Variants in CEACAM5 observed in about 807,000 individuals in gnomAD.
CEACAM5 encodes cell adhesion molecule CEACAM5.
CEACAM5 carries 52 observed loss-of-function variants against 63.0 expected under a neutral mutation model. The ratio of observed to expected loss-of-function variants is 0.83; its 90% confidence interval spans 0.66 to 1.04. The LOEUF (loss-of-function observed/expected upper bound fraction) is 1.04, where lower values mean the gene tolerates loss of function less well. CEACAM5 is among the 50% of genes least tolerant of loss of function. The pLI is 0.00. For missense variants in CEACAM5, 790 were observed against 864.8 expected (o/e 0.91, Z 1.08); for synonymous variants, 357 against 351.3 (o/e 1.02, Z -0.18).
intron 2 of CEACAM5, among the ~76,000 whole-genome samples, chr19:41,714,163 C>T (rs2072481672): frequency 6.6e-6 from 1 of 152,074 alleles, no homozygotes; most frequent in Non-Finnish European, 1.5e-5. Flanking sequence ...TGCCATGAGC[C>T]GAGATCGTGC....
intron 2 of CEACAM5, among the ~76,000 whole-genome samples, chr19:41,713,838 T>C (rs1171671884): frequency 1.3e-5 from 2 of 152,238 alleles, no homozygotes; most frequent in Non-Finnish European, 2.9e-5. Flanking sequence ...CAGTCAGTTC[T>C]GCATTTGCAA....
chr19:41,713,334 A>C (rs1377726232), intron 2 of CEACAM5, among the ~76,000 whole-genome samples: 4 of 152,184 alleles, frequency 2.6e-5, no homozygotes, highest in Admixed American at 6.5e-5. Context: ...AAAGAAAAGA[A>C]AAAAGAAAGG....
chr19:41,721,584 C>T (rs1302409465), intron 8 of CEACAM5, among the ~76,000 whole-genome samples: 1 of 152,272 alleles, frequency 6.6e-6, no homozygotes, highest in East Asian at 1.9e-4. Flanking sequence ...AACCAGCCCA[C>T]ACTTTTTCCC....
At chr19:41,726,198 A>G (rs1555817081) in intron 8 of CEACAM5, among the ~76,000 whole-genome samples, 1 of 152,248 alleles carries the variant, frequency 6.6e-6, no homozygotes, top group African/African-American at 2.4e-5. Flanking sequence ...GCTTGAAGTT[A>G]GGCAGTTCTA....
chr19:41,711,338 C>A (rs576594794), intron 2 of CEACAM5, among the ~76,000 whole-genome samples: 1 of 152,296 alleles, frequency 6.6e-6, no homozygotes, highest in Non-Finnish European at 1.5e-5. Flanking sequence ...AAGGAAAGGA[C>A]TTCGCTTTCT....
chr19:41,714,032 T>C (rs1555814456), intron 2 of CEACAM5, among the ~76,000 whole-genome samples: 1 of 151,990 alleles, frequency 6.6e-6, no homozygotes, highest in Admixed American at 6.6e-5. Context: ...CTGACCAATA[T>C]GGTGAAACCC....
At chr19:41,721,262 TC>T in intron 8 of CEACAM5, 86 bp downstream of exon 8, 1 of 1,481,046 alleles carries the variant, frequency 6.8e-7, no homozygotes, top group Non-Finnish European at 9.3e-7. Context: ...ACATTTTCTT[TC>T]CCAGTCTGTG....
rs782412306 is a variant in CEACAM5, at chr19:41,727,287, G to A, written c.2080G>A (p.Gly694Arg). Residue 694 changes from glycine (G) to arginine (R), a missense_variant, in exon 9 of 10, where the codon GGA (glycine) becomes AGA (arginine). Physicochemically the swap from Gly to Arg is moderately radical, Grantham distance 125. Transcript: ENST00000221992. Reference sequence around the variant, plus strand: ...TGGGGCCACTGTCGGCATCATGATTGGAGTGCTGGTTGGGGTTGCTCTGAT... The same window carrying A: ...TGGGGCCACTGTCGGCATCATGATTAGAGTGCTGGTTGGGGTTGCTCTGAT... ...SAGATVGIMIGVLVGVALI is the reference protein window; with the variant it reads ...SAGATVGIMIRVLVGVALI 2 of 1,614,050 alleles carry A rather than the reference G, an allele frequency of 1.2e-6. No homozygotes were observed. The highest frequency in any genetic ancestry group is 8.5e-7 in the Non-Finnish European group (1 of 1,179,924).
At position 41,715,196 on chromosome 19, in the gene CEACAM5, C is replaced by T. The variant is rs2072501002; in HGVS notation, c.650C>T (p.Thr217Ile). The T allele has an allele frequency of 3.7e-6, 6 of 1,614,208 alleles. No homozygotes were observed. In the East Asian group the frequency reaches 8.9e-5, roughly 24 times the overall value. ...RNDTASYKCE[T>I]QNPVSARRSD... Reference sequence around the variant, plus strand: ...GACACAGCAAGCTACAAATGTGAAACCCAGAACCCAGTGAGTGCCAGGCGC... The same window carrying T: ...GACACAGCAAGCTACAAATGTGAAATCCAGAACCCAGTGAGTGCCAGGCGC... Residue 217 changes from threonine to isoleucine, a missense_variant, in exon 3 of 10, where the codon ACC (threonine) becomes ATC (isoleucine). Coordinates refer to ENST00000221992, the MANE Select transcript of CEACAM5 (RefSeq NM_004363.6).
Position 41,718,422 on chromosome 19 carries a change from C to A in CEACAM5, c.1492+40C>A, listed in dbSNP as rs79835792. The A allele has an allele frequency of 2.5e-6, 4 of 1,598,230 alleles. No individual in the cohort carries two copies. In the African/African-American group the frequency reaches 4.0e-5, roughly 16 times the overall value. On this transcript the variant is annotated intron_variant, in intron 6 of 9. Transcript: ENST00000221992. ...GGACCGTTAGCAATATGTTCTGGAG[C>A]GGAATCTGTCTGGTTTTCAGAAAAG...
In CEACAM5 at chr19:41,717,439, TC is replaced by T. The variant is rs782351678; in HGVS notation, c.959-15del. ...AGGTGCCACACAGGGCAATCTTCTC[TC>T]TGTTATCTGCACAGCAGAGCCACCC... On this transcript the variant is annotated splice_polypyrimidine_tract_variant and intron_variant, in intron 4 of 9. Coordinates refer to ENST00000221992, the MANE Select transcript of CEACAM5 (RefSeq NM_004363.6). 5.0e-6 allele frequency: 8 copies of T among 1,605,772 alleles called. No homozygotes were observed. The African/African-American group carries it at 1.1e-4, about 21-fold the overall frequency.
chr19:41,717,202 T>G (rs1380129860), intron 4 of CEACAM5, among the ~76,000 whole-genome samples: 1 of 152,244 alleles, frequency 6.6e-6, no homozygotes, highest in African/African-American at 2.4e-5. Flanking sequence ...GCCCTGTGTC[T>G]GTCCACAACC....
At chr19:41,726,245 G>A (rs977106598) in intron 8 of CEACAM5, among the ~76,000 whole-genome samples, 1 of 152,174 alleles carries the variant, frequency 6.6e-6, no homozygotes, top group African/African-American at 2.4e-5. Context: ...CTAATTATAT[G>A]ACTTTGGATA....
In CEACAM5 at chr19:41,729,873, G is replaced by C. The variant is rs1002050948; in HGVS notation, c.*726G>C. ...CTATTCATGAATATTTATATTGTAT[G>C]GTAATATAGTTATTGCACAAGTTCA... On this transcript the variant is annotated 3_prime_UTR_variant, in exon 10 of 10. Coordinates refer to ENST00000221992, the MANE Select transcript of CEACAM5 (RefSeq NM_004363.6). The C allele has an allele frequency of 2.6e-5, 4 of 152,176 alleles. No homozygotes were observed. In the East Asian group the frequency reaches 5.8e-4, roughly 22 times the overall value. 9.4% of individuals were successfully genotyped at this position (152,176 alleles called of 1,614,324 possible). A position where few individuals can be genotyped will look rare whatever the true frequency, so the allele number is the denominator to read the frequency against.
intron 2 of CEACAM5, among the ~76,000 whole-genome samples, chr19:41,712,504 A>G (rs2072452104): frequency 6.6e-6 from 1 of 152,344 alleles, no homozygotes; most frequent in Admixed American, 6.5e-5. Context: ...AACTAGGGGC[A>G]GGGAGCGCTT....
chr19:41,721,203 T>C (rs1231822754), intron 8 of CEACAM5, 27 bp downstream of exon 8: 2 of 1,612,626 alleles, frequency 1.2e-6, no homozygotes, highest in Non-Finnish European at 1.7e-6. Context: ...AGCATCAGCA[T>C]CATATTCTGG....
chr19:41,718,307 G>A lies in CEACAM5; in HGVS notation c.1417G>A (p.Gly473Arg), dbSNP rs376701458. 225 of 1,613,954 alleles carry A rather than the reference G, an allele frequency of 1.4e-4. No homozygotes were observed. The highest frequency in any genetic ancestry group is 3.1e-4 in the African/African-American group (23 of 74,888). ...CTCCAACATCACTGAGAAGAACAGC[G>A]GACTCTATACCTGCCAGGCCAATAA... ...FISNITEKNS[G>R]LYTCQANNSA... The change falls in exon 6 of 10, where the codon GGA becomes AGA. Residue 473 changes from glycine to arginine, a missense_variant. Transcript: ENST00000221992.
In CEACAM5 at chr19:41,715,089, C is replaced by A. The variant is rs140663408; in HGVS notation, c.543C>A (p.Asn181Lys). ...ACGCAACCTACCTGTGGTGGGTAAA[C>A]AATCAGAGCCTCCCGGTCAGTCCCA... ...TQDATYLWWV[N>K]NQSLPVSPRL... Residue 181 changes from asparagine to lysine, a missense_variant, in exon 3 of 10, where the codon AAC becomes AAA. Coordinates refer to ENST00000221992, the MANE Select transcript of CEACAM5 (RefSeq NM_004363.6). The A allele has an allele frequency of 4.0e-5, 64 of 1,614,094 alleles. No homozygotes were observed. The highest frequency in any genetic ancestry group is 3.7e-4 in the South Asian group (34 of 91,092).
chr19:41,718,177 AG>A lies in CEACAM5; in HGVS notation c.1291del (p.Val431Ter). The A allele has an allele frequency of 1.2e-6, 2 of 1,614,208 alleles. No individual in the cohort carries two copies. The highest frequency in any genetic ancestry group is 1.3e-5 in the African/African-American group (1 of 75,044). ...ISPSYTYYRP[G>X]VNLSLSCHAA... is the part of the protein sequence containing the mutation. ...CCCCCTCATACACCTATTACCGTCCAGGGGTGAACCTCAGCCTCTCCTGCCA... is the reference window on the plus strand; with the variant it reads ...CCCCCTCATACACCTATTACCGTCCAGGGTGAACCTCAGCCTCTCCTGCCA... On this transcript the variant is annotated frameshift_variant, in exon 6 of 10. Transcript: ENST00000221992. LOFTEE classifies it high-confidence loss of function.
Sources: gnomAD v4.1 joint callset for allele counts (sites outside exome capture counted in the v4.1 genomes callset) on GRCh38, gnomAD v4.1.1 for gene constraint, MANE v1.5 for transcripts, NCBI Gene and HGNC (gene_info 2026-07-23, HGNC 2026-07-21) for gene names.